Variants in GARIN3 observed in about 807,000 individuals in gnomAD.
GARIN3 encodes Golgi-associated RAB2 interactor protein 3.
chr5:157,165,486 A>C, the GARIN3 span: 2 of 1,521,512 alleles, frequency 1.3e-6, no homozygotes, highest in South Asian at 2.7e-5. Flanking sequence ...AGAAGGCACC[A>C]AAGGCTTTGT....
At chr5:157,162,791 G>A in the GARIN3 span, 7 of 1,614,172 alleles carry the variant, frequency 4.3e-6, no homozygotes, top group Admixed American at 6.7e-5. Context: ...GAGCCATGTC[G>A]CTTGCCCCTT....
chr5:157,162,257 C>G, the GARIN3 span: 14 of 836,818 alleles, frequency 1.7e-5, no homozygotes, highest in Non-Finnish European at 2.2e-5. Context: ...CCAGCTGTAG[C>G]ATAGCCACCA....
At chr5:157,165,763 C>T in the GARIN3 span, 7 of 1,613,884 alleles carry the variant, frequency 4.3e-6, no homozygotes, top group African/African-American at 9.4e-5. Context: ...TGCTGTTTCT[C>T]ATGATCGTGG....
the GARIN3 span, chr5:157,165,864 C>G: frequency 6.2e-7 from 1 of 1,614,172 alleles, no homozygotes; most frequent in Non-Finnish European, 8.5e-7. Context: ...AAACCGGCCC[C>G]ATCTGACATG....
chr5:157,162,925 C>T, the GARIN3 span: 28 of 1,614,140 alleles, frequency 1.7e-5, no homozygotes, highest in Admixed American at 2.0e-4. Context: ...ACCTGCCTTG[C>T]GGTGATGAGA....
At chr5:157,163,930 G>A in the GARIN3 span, among the ~76,000 whole-genome samples, 2 of 152,082 alleles carry the variant, frequency 1.3e-5, no homozygotes, top group African/African-American at 4.8e-5. Context: ...GATGGCGCAT[G>A]CCTGTAATCC....
At chr5:157,162,763 G>A in the GARIN3 span, 2 of 1,614,198 alleles carry the variant, frequency 1.2e-6, no homozygotes, top group Admixed American at 3.3e-5. Context: ...GGAGCTGTGG[G>A]TGGAGCTCTT....
chr5:157,162,397 C>T, the GARIN3 span: 3 of 1,574,250 alleles, frequency 1.9e-6, no homozygotes, highest in South Asian at 2.4e-5. Context: ...GGGATGGGCT[C>T]CTCTAGGGAT....
chr5:157,162,122 C>A, the GARIN3 span: 2 of 354,674 alleles, frequency 5.6e-6, no homozygotes, highest in South Asian at 8.0e-5. Context: ...TGCATCCCAG[C>A]TCTTAGTCTG....
the GARIN3 span, chr5:157,165,420 G>A: frequency 7.7e-7 from 1 of 1,294,588 alleles, no homozygotes; most frequent in Non-Finnish European, 1.1e-6. Context: ...TCCCCTAGTA[G>A]TGGCTCATTT....
chr5:157,166,137 G>A, the GARIN3 span: 11 of 1,613,036 alleles, frequency 6.8e-6, no homozygotes, highest in Admixed American at 8.3e-5. Flanking sequence ...GCTGTGGGCT[G>A]TGTAATAAGG....
chr5:157,162,649 C>T, the GARIN3 span: 5,057 of 1,614,138 alleles, frequency 3.1e-3, 21 homozygotes, highest in Middle Eastern at 0.023. Context: ...CCTGAGGCTC[C>T]TTAAAAAAGA....
the GARIN3 span, among the ~76,000 whole-genome samples, chr5:157,163,971 C>G: frequency 6.6e-6 from 1 of 151,978 alleles, no homozygotes; most frequent in Non-Finnish European, 1.5e-5. Flanking sequence ...GTAGGAGTAT[C>G]GCTTGAACTC....
the GARIN3 span, chr5:157,163,252 G>A: frequency 5.0e-6 from 8 of 1,614,018 alleles, no homozygotes; most frequent in East Asian, 1.8e-4. Context: ...AATACCCTCT[G>A]AGGATATGTT....
the GARIN3 span, chr5:157,163,157 T>C: frequency 1.2e-6 from 2 of 1,614,208 alleles, no homozygotes; most frequent in South Asian, 1.1e-5. Flanking sequence ...CTCAAGCTGC[T>C]GTCTTGGGAG....
At chr5:157,165,748 G>A in the GARIN3 span, 41 of 1,614,020 alleles carry the variant, frequency 2.5e-5, no homozygotes, top group South Asian at 2.2e-5. Flanking sequence ...AGTTTCAGGC[G>A]CAGCTGCTGT....
At chr5:157,166,068 T>C in the GARIN3 span, 2,508 of 1,614,198 alleles carry the variant, frequency 1.6e-3, 40 homozygotes, top group African/African-American at 0.029. Flanking sequence ...CTCTCCTCTG[T>C]TGTACAATTG....
the GARIN3 span, chr5:157,162,477 C>T: frequency 6.2e-7 from 1 of 1,614,128 alleles, no homozygotes; most frequent in South Asian, 1.1e-5. Context: ...AGACGATCAT[C>T]TCCGTCTTCT....
the GARIN3 span, chr5:157,166,183 A>T: frequency 6.3e-7 from 1 of 1,593,216 alleles, no homozygotes; most frequent in Non-Finnish European, 8.6e-7. Context: ...CTCTTCGTTT[A>T]AGACAGCTCC....
Sources: gnomAD v4.1 joint callset for allele counts (sites outside exome capture counted in the v4.1 genomes callset) on GRCh38, gnomAD v4.1.1 for gene constraint, MANE v1.5 for transcripts, NCBI Gene and HGNC (gene_info 2026-07-23, HGNC 2026-07-21) for gene names.